Variants in NXF2B observed in about 807,000 individuals in gnomAD.
The protein encoded by NXF2B is nuclear RNA export factor 2.
chrX:102,407,868 ATCACCCGAAGGTACAAAAG>A (rs1934362113), intron 2 of NXF2B, among the ~76,000 whole-genome samples: 2 of 104,990 alleles, frequency 1.9e-5, no homozygotes, highest in African/African-American at 3.5e-5. Flanking sequence ...GCAATAAATT[ATCACCCGAAGGTACAAAAG>A]TCACTGGTAA....
At chrX:102,397,923 C>T (rs1393755672) in intron 2 of NXF2B, among the ~76,000 whole-genome samples, 6 of 114,614 alleles carry the variant, frequency 5.2e-5, no homozygotes, top group East Asian at 5.4e-4. Context: ...AGCTTCTGCA[C>T]GGCAAAGGAA....
intron 2 of NXF2B, among the ~76,000 whole-genome samples, chrX:102,435,597 G>A (rs1287137391): frequency 1.1e-4 from 2 of 18,092 alleles, no homozygotes; most frequent in African/African-American, 3.6e-4. Context: ...GAGGCTGTGG[G>A]GAAATTGTCA....
At chrX:102,377,148 T>TTGTGTGTGTGTG (rs781891878) in intron 1 of NXF2B, among the ~76,000 whole-genome samples, 1 of 54,413 alleles carries the variant, frequency 1.8e-5, no homozygotes, top group Non-Finnish European at 3.2e-5. Flanking sequence ...GAGAGTGTAT[T>TTGTGTGTGTGTG]TGTGTGTGTG....
intron 2 of NXF2B, among the ~76,000 whole-genome samples, chrX:102,385,695 GAGCAA>G (rs1934258657): frequency 1.1e-4 from 1 of 9,080 alleles, no homozygotes; most frequent in African/African-American, 4.8e-4. Context: ...GGCAAAACAT[GAGCAA>G]TAACACATTA....
chrX:102,397,594 T>G (rs2147822445), intron 2 of NXF2B, among the ~76,000 whole-genome samples: 1 of 73,353 alleles, frequency 1.4e-5, no homozygotes, highest in Admixed American at 1.7e-4. Flanking sequence ...GAAGAAAACC[T>G]AGGCAATGCC....
chrX:102,412,644 A>AAGAAGAAGT lies in NXF2B; in HGVS notation c.-54+25908_-54+25909insACTTCTTCT, dbSNP rs1342457195. Among the ~76,000 whole-genome samples, 27 of 30,092 alleles carry AAGAAGAAGT rather than the reference A, an allele frequency of 9.0e-4. 1 individual carries two copies. Among genetic ancestry groups the AAGAAGAAGT allele is most frequent in the African/African-American group, 4.6e-3 (27 of 5,932 alleles). 26.1% of individuals were successfully genotyped at this position (30,092 alleles called of 115,157 possible). ...GAAGAAGAAGAAGAAGAAGAAGAAGAAGTAGTCATCATCGTCGTTGTTGTC... is the reference window on the plus strand; with the variant it reads ...GAAGAAGAAGAAGAAGAAGAAGAAGAAGAAGAAGTAGTAGTCATCATCGTCGTTGTTGTC... On this transcript the variant is annotated intron_variant, in intron 2 of 22. Transcript: ENST00000602195.
intron 2 of NXF2B, among the ~76,000 whole-genome samples, chrX:102,386,133 G>C (rs1934266616): frequency 8.7e-6 from 1 of 115,043 alleles, no homozygotes; most frequent in Non-Finnish European, 1.9e-5. Flanking sequence ...TTTTAGTAGA[G>C]ATAGGGTTTC....
chrX:102,408,229 C>CA (rs1160843335), intron 2 of NXF2B, among the ~76,000 whole-genome samples: 55 of 4,151 alleles, frequency 0.013, 2 homozygotes, highest in African/African-American at 0.051. Flanking sequence ...AACCTCAAAC[C>CA]AAAAAAAAAA....
chrX:102,420,257 CCTT>C (rs1439461144), intron 2 of NXF2B, among the ~76,000 whole-genome samples: 1 of 82,590 alleles, frequency 1.2e-5, no homozygotes, highest in African/African-American at 4.8e-5. Flanking sequence ...ACCAGCTCCT[CCTT>C]CTACCTCTGG....
At chrX:102,407,989 A>C (rs1934363700) in intron 2 of NXF2B, among the ~76,000 whole-genome samples, 1 of 105,539 alleles carries the variant, frequency 9.5e-6, no homozygotes, top group Admixed American at 9.7e-5. Flanking sequence ...TAAACGATGA[A>C]CCAATAAAAA....
At chrX:102,438,628 T>C (rs1934481204) in exon 2 of NXF2B, 1 of 59,044 alleles carries the variant, frequency 1.7e-5, no homozygotes, top group Admixed American at 1.4e-4. Context: ...TGGAGGAGAC[T>C]AAGGAGAAAT....
intron 2 of NXF2B, among the ~76,000 whole-genome samples, 174 bp downstream of exon 2, chrX:102,438,379 G>A (rs1361865911): frequency 8.9e-5 from 2 of 22,490 alleles, no homozygotes; most frequent in Admixed American, 3.9e-4. Flanking sequence ...CGTCTGTCCA[G>A]TATAGGGTAC....
At chrX:102,392,949 T>C (rs377014123) in intron 2 of NXF2B, among the ~76,000 whole-genome samples, 2,516 of 15,860 alleles carry the variant, frequency 0.16, 456 homozygotes, top group East Asian at 0.32. Flanking sequence ...TTAGGGTACA[T>C]GTGCACAACG....
At chrX:102,433,122 AT>A (rs1478763833) in intron 2 of NXF2B, among the ~76,000 whole-genome samples, 3 of 75,334 alleles carry the variant, frequency 4.0e-5, no homozygotes, top group African/African-American at 1.5e-4. Flanking sequence ...TCTTAAAAAA[AT>A]AAAAGTAAAA....
chrX:102,432,310 G>A (rs2147826485), intron 2 of NXF2B, among the ~76,000 whole-genome samples: 1 of 110,782 alleles, frequency 9.0e-6, no homozygotes, highest in Admixed American at 9.3e-5. Context: ...CTTACACATT[G>A]AGAGCAAATA....
At chrX:102,435,705 C>T (rs1477753896) in intron 2 of NXF2B, among the ~76,000 whole-genome samples, 1 of 77,141 alleles carries the variant, frequency 1.3e-5, no homozygotes, top group African/African-American at 4.3e-5. Context: ...TAACTTTTGG[C>T]CCAATAATCC....
At chrX:102,412,534 GA>G (rs1424657644) in intron 2 of NXF2B, among the ~76,000 whole-genome samples, 185 of 2,153 alleles carry the variant, frequency 0.086, 36 homozygotes, top group Non-Finnish European at 0.11. Context: ...AGAAGAAGAA[GA>G]AGAAGAAGAA....
intron 2 of NXF2B, among the ~76,000 whole-genome samples, chrX:102,397,962 C>T (rs1439585821): frequency 8.8e-6 from 1 of 113,443 alleles, no homozygotes; most frequent in Non-Finnish European, 1.9e-5. Context: ...AGACAACCCA[C>T]AGAGTGGGAG....
intron 1 of NXF2B, among the ~76,000 whole-genome samples, chrX:102,377,148 TTGTGTGTGTGTGTGTGTGTGTG>T (rs781891878): frequency 1.8e-5 from 1 of 54,413 alleles, no homozygotes; most frequent in Non-Finnish European, 3.2e-5. Flanking sequence ...GAGAGTGTAT[TTGTGTGTGTGTGTGTGTGTGTG>T]TGTGTGTGTG....
Sources: gnomAD v4.1 joint callset for allele counts (sites outside exome capture counted in the v4.1 genomes callset) on GRCh38, gnomAD v4.1.1 for gene constraint, MANE v1.5 for transcripts, NCBI Gene and HGNC (gene_info 2026-07-23, HGNC 2026-07-21) for gene names.